The following AGBL1 variants were observed in gnomAD, a reference collection of about 807,000 sequenced individuals.
AGBL1 encodes the protein cytosolic carboxypeptidase 4.
In AGBL1, 130 loss-of-function variants were observed where a neutral mutation model predicts 118.9. The ratio of observed to expected loss-of-function variants is 1.09; its 90% confidence interval spans 0.95 to 1.26. AGBL1 has a LOEUF of 1.26. Ranked by LOEUF, AGBL1 falls within the 50% of genes most tolerant of loss-of-function variation. AGBL1 has a pLI of 0.00. For missense variants in AGBL1, 1,584 were observed against 1,298.1 expected, an observed-to-expected ratio of 1.22 and a Z score of -3.38; for synonymous variants, 555 against 478.9, an observed-to-expected ratio of 1.16 and a Z score of -2.08.
chr15:86,324,756 A>G (rs889898011), intron 17 of AGBL1, among the ~76,000 whole-genome samples: 2 of 152,230 alleles, frequency 1.3e-5, no homozygotes, highest in Non-Finnish European at 2.9e-5. Context: ...ATCATTTAGA[A>G]CAGGATGGCC....
At chr15:86,813,384 A>G (rs756844220) in intron 22 of AGBL1, among the ~76,000 whole-genome samples, 19 of 152,212 alleles carry the variant, frequency 1.2e-4, no homozygotes, top group Non-Finnish European at 2.6e-4. Flanking sequence ...TATTCTTAAT[A>G]ACATTTCTGA....
intron 18 of AGBL1, among the ~76,000 whole-genome samples, chr15:86,433,266 C>CTTTTTTT (rs59417397): frequency 0.053 from 3,923 of 74,576 alleles, 934 homozygotes; most frequent in East Asian, 0.19. Flanking sequence ...CCTCCTTCTT[C>CTTTTTTT]TTTTTTTTTT....
At chr15:86,098,524 T>C (rs1180343952) in intron 1 of AGBL1, among the ~76,000 whole-genome samples, 1 of 152,184 alleles carries the variant, frequency 6.6e-6, no homozygotes, top group African/African-American at 2.4e-5. Flanking sequence ...TTCATTCTCC[T>C]ACACATGAAT....
At chr15:86,744,998 A>G (rs1399823831) in intron 22 of AGBL1, among the ~76,000 whole-genome samples, 1 of 152,122 alleles carries the variant, frequency 6.6e-6, no homozygotes, top group East Asian at 1.9e-4. Context: ...AAGCGGGGCC[A>G]GGAAGAGTTT....
intron 22 of AGBL1, among the ~76,000 whole-genome samples, chr15:86,770,721 C>T (rs1371742589): frequency 6.6e-6 from 1 of 151,950 alleles, no homozygotes; most frequent in Non-Finnish European, 1.5e-5. Flanking sequence ...CCCTCACGGG[C>T]TGGGGCATGG....
intron 6 of AGBL1, among the ~76,000 whole-genome samples, chr15:86,242,610 A>C (rs866631599): frequency 6.6e-6 from 1 of 152,198 alleles, no homozygotes; most frequent in African/African-American, 2.4e-5. Flanking sequence ...TGAGTTTAGA[A>C]GTCTACACTC....
At chr15:86,818,751 C>A (rs11073674) in intron 22 of AGBL1, among the ~76,000 whole-genome samples, 1 of 152,014 alleles carries the variant, frequency 6.6e-6, no homozygotes, top group Non-Finnish European at 1.5e-5. Context: ...AGTACAACAT[C>A]GTGGCTCAGC....
rs190019115 is a variant in AGBL1, at chr15:86,875,464, C to T, written c.3159-31623C>T. 3.2e-3 allele frequency among the ~76,000 whole-genome samples: 486 copies of T among 152,212 alleles called. 1 individual carries two copies. Among genetic ancestry groups the T allele is most frequent in the Non-Finnish European group, 5.6e-3 (381 of 68,010 alleles). ...CATAGAAGAGGAACAGATGAGTGAG[C>T]GGTTGGGATCAGCGTTGAGCCTCAT... On this transcript the variant is annotated intron_variant, in intron 22 of 22. Coordinates refer to ENST00000614907, the MANE Select transcript of AGBL1 (RefSeq NM_001386094.1).
chr15:87,004,532 A>G (rs1348196368), intron 24 of AGBL1, among the ~76,000 whole-genome samples: 1 of 151,482 alleles, frequency 6.6e-6, no homozygotes, highest in Non-Finnish European at 1.5e-5. Context: ...TTTGTTTTCC[A>G]TTTGCTTGGT....
chr15:86,520,280 T>G (rs1965003150), intron 18 of AGBL1, among the ~76,000 whole-genome samples: 1 of 152,222 alleles, frequency 6.6e-6, no homozygotes, highest in Non-Finnish European at 1.5e-5. Context: ...AAGTATATGA[T>G]ATTTCTCTAT....
intron 15 of AGBL1, among the ~76,000 whole-genome samples, chr15:86,277,179 T>A (rs1597667128): frequency 6.6e-6 from 1 of 151,432 alleles, no homozygotes; most frequent in African/African-American, 2.4e-5. Flanking sequence ...TCCAGCAGTG[T>A]GCAACCATCC....
chr15:86,502,858 C>A (rs1456871810), intron 18 of AGBL1, among the ~76,000 whole-genome samples: 1 of 151,404 alleles, frequency 6.6e-6, no homozygotes, highest in Non-Finnish European at 1.5e-5. Flanking sequence ...TTATATTTAT[C>A]AGGGACACTG....
intron 21 of AGBL1, among the ~76,000 whole-genome samples, chr15:86,581,181 C>A (rs542015840): frequency 6.6e-6 from 1 of 152,234 alleles, no homozygotes; most frequent in South Asian, 2.1e-4. Context: ...TCATGGTCAA[C>A]GTGAGAAGTT....
Position 86,264,735 on chromosome 15 carries a change from A to C in AGBL1, c.1564A>C (p.Ser522Arg). ...TTATATGGCCAAAGCCAGAAGAACC[A>C]GCTCTGTGGTGGACTTCAAGATGAT... is the stretch of plus-strand genomic sequence containing the variant. ...YLYMAKARRT[S>R]SVVDFKMMAF... Residue 522 changes from serine (S) to arginine (R), a missense_variant, in exon 11 of 23, where the codon AGC becomes CGC. Transcript: ENST00000614907. 1.2e-6 allele frequency: 2 copies of C among 1,614,018 alleles called. No homozygotes were observed. The highest frequency in any genetic ancestry group is 1.7e-6 in the Non-Finnish European group (2 of 1,179,886).
At chr15:86,101,001 T>C (rs1896681380) in intron 1 of AGBL1, among the ~76,000 whole-genome samples, 1 of 152,158 alleles carries the variant, frequency 6.6e-6, no homozygotes, top group South Asian at 2.1e-4. Context: ...GATGTAGGCA[T>C]TTATTGCTAT....
intron 21 of AGBL1, among the ~76,000 whole-genome samples, chr15:86,648,164 C>T (rs1263314320): frequency 1.3e-5 from 2 of 152,138 alleles, no homozygotes; most frequent in Non-Finnish European, 2.9e-5. Context: ...GAAGGTCTCA[C>T]TCTTGCTAAA....
chr15:86,254,676 C>T (rs969828898), intron 7 of AGBL1, among the ~76,000 whole-genome samples: 1 of 152,162 alleles, frequency 6.6e-6, no homozygotes. Context: ...GATCCTATTT[C>T]CTGGAGTCTT....
At chr15:86,358,146 T>C (rs1303700377) in intron 17 of AGBL1, among the ~76,000 whole-genome samples, 1 of 152,092 alleles carries the variant, frequency 6.6e-6, no homozygotes, top group South Asian at 2.1e-4. Flanking sequence ...TTCATCTCTC[T>C]TAATTGAACC....
Position 86,553,671 on chromosome 15 carries a change from C to G in AGBL1, c.2818-690C>G, listed in dbSNP as rs8030966. ...AAGTAACAGTGAGGCTGGATGTAGT[C>G]TGTAAATTTCAAGTCCCTTTGAAAT... On this transcript the variant is annotated intron_variant, in intron 20 of 22. Transcript: ENST00000614907. Among the ~76,000 whole-genome samples the G allele has an allele frequency of 9.9e-3, 1,502 of 152,234 alleles. 22 individuals carry two copies. The highest frequency in any genetic ancestry group is 0.034 in the African/African-American group (1,404 of 41,534).
Sources: allele counts gnomAD v4.1 joint callset (sites outside exome capture counted in the v4.1 genomes callset), GRCh38; gene constraint gnomAD v4.1.1; transcripts MANE v1.5; gene names NCBI Gene and HGNC (gene_info 2026-07-23, HGNC 2026-07-21).